Variants in PAX9 observed in about 807,000 individuals in gnomAD.
PAX9 encodes paired box protein Pax-9.
Under a neutral mutation model 29.1 loss-of-function variants are expected in PAX9, and 6 were observed. The ratio of observed to expected loss-of-function variants is 0.21; its 90% CI spans 0.11 to 0.41. The LOEUF (loss-of-function observed/expected upper bound fraction) is 0.41, where lower values mean the gene tolerates loss of function less well. Ranked by LOEUF, PAX9 falls within the 10% of genes least tolerant of loss-of-function variation. The pLI is 1.00. For missense variants in PAX9, 443 were observed against 479.1 expected, an observed-to-expected ratio of 0.92 and a Z score of 0.70; for synonymous variants, 217 against 211.7, an observed-to-expected ratio of 1.03 and a Z score of -0.22.
intron 3 of PAX9, among the ~76,000 whole-genome samples, chr14:36,672,704 C>T (rs183027077): frequency 0.24 from 278 of 1,182 alleles, no homozygotes; most frequent in African/African-American, 0.38. Flanking sequence ...ACTCTCCAGA[C>T]CCCCAAGCTA....
intron 2 of PAX9, among the ~76,000 whole-genome samples, chr14:36,665,576 T>A (rs775824515): frequency 2.0e-5 from 3 of 152,226 alleles, no homozygotes; most frequent in Non-Finnish European, 2.9e-5. Context: ...CCAGGTATTA[T>A]AGTAATTACT....
chr14:36,661,925 C>T lies in PAX9; in HGVS notation c.-165C>T. 1.3e-6 allele frequency: 1 copy of T among 799,508 alleles called. No individual in the cohort carries two copies. Among genetic ancestry groups the T allele is most frequent in the South Asian group, 1.5e-5 (1 of 66,386 alleles). 49.5% of individuals were successfully genotyped at this position (799,508 alleles called of 1,614,324 possible). A position where few individuals can be genotyped will look rare whatever the true frequency, so the allele number is the denominator to read the frequency against. On this transcript the variant is annotated 5_prime_UTR_variant, in exon 1 of 4. Transcript: ENST00000361487. ...CAAGCCTCTTTCATCGGGGCACAGA[C>T]TTCCTTTTACTTCTTCCTTTTGCCC...
At position 36,678,592 on chromosome 14, in the gene PAX9, A is replaced by AAAC. The variant is rs1430743806; in HGVS notation, c.*2141_*2143dup. ...TACAGGGACTCTCCTGTCATCTGAA[A>AAAC]AACTGATGTAAGGTACAGAACTATT... On this transcript the variant is annotated 3_prime_UTR_variant, in exon 4 of 4. Transcript: ENST00000361487. The AAAC allele has an allele frequency of 1.3e-6, 2 of 1,510,134 alleles. No individual in the cohort carries two copies. Among genetic ancestry groups the AAAC allele is most frequent in the Non-Finnish European group, 1.8e-6 (2 of 1,134,446 alleles). 93.5% of individuals were successfully genotyped at this position (1,510,134 alleles called of 1,614,324 possible).
chr14:36,658,198 GC>G, upstream of PAX9, among the ~76,000 whole-genome samples: 1 of 152,276 alleles, frequency 6.6e-6, no homozygotes, highest in Non-Finnish European at 1.5e-5. Context: ...TCTGCACCGC[GC>G]GCAATGCCCC....
intron 3 of PAX9, 130 bp downstream of exon 3, chr14:36,666,731 G>C (rs1476419791): frequency 1.6e-6 from 2 of 1,227,956 alleles, no homozygotes; most frequent in South Asian, 1.3e-5. Context: ...TTGCTGCTAC[G>C]AGCCAGATCC....
At position 36,678,498 on chromosome 14, in the gene PAX9, A is replaced by AGAC. The variant is rs941376648; in HGVS notation, c.*2047_*2049dup. On this transcript the variant is annotated 3_prime_UTR_variant, in exon 4 of 4. Transcript: ENST00000361487. The stretch of plus-strand genomic sequence containing the variant: ...GGAGTTCCCAGTCTGGTGAGAAAAT[A>AGAC]GACTATAAACTGAATGGAACAAAGA... 7 of 1,536,968 alleles carry AGAC rather than the reference A, an allele frequency of 4.6e-6. No homozygotes were observed. In the African/African-American group the frequency reaches 8.2e-5, roughly 18 times the overall value.
At chr14:36,666,662 C>G in intron 3 of PAX9, 61 bp downstream of exon 3, 2 of 1,542,634 alleles carry the variant, frequency 1.3e-6, no homozygotes, top group East Asian at 4.9e-5. Context: ...GGCGATGGAA[C>G]ACTTTGTGAT....
intron 3 of PAX9, among the ~76,000 whole-genome samples, chr14:36,667,739 T>C (rs1422730273): frequency 1.3e-5 from 2 of 152,198 alleles, no homozygotes; most frequent in African/African-American, 4.8e-5. Flanking sequence ...GGCTCTCCAA[T>C]GGCAAATAAC....
Position 36,678,671 on chromosome 14 carries a change from CT to C in PAX9, c.*2221del. 8.0e-7 allele frequency: 1 copy of C among 1,254,986 alleles called. No individual in the cohort carries two copies. The highest frequency in any genetic ancestry group is 1.0e-6 in the Non-Finnish European group (1 of 999,748). The allele number at this position is 1,254,986 out of a possible 1,614,324, so 77.7% of individuals were successfully genotyped here. A position where few individuals can be genotyped will look rare whatever the true frequency, so the allele number is the denominator to read the frequency against. On this transcript the variant is annotated 3_prime_UTR_variant, in exon 4 of 4. Transcript: ENST00000361487. Reference sequence around the variant, plus strand: ...AGGGGGCTTTAAAAAATATTACTTGCTTGTGTGGAAATGCAAATAATGTTAT... The same window carrying C: ...AGGGGGCTTTAAAAAATATTACTTGCTGTGTGGAAATGCAAATAATGTTAT...
At position 36,666,594 on chromosome 14, in the gene PAX9, A is replaced by T. The variant is rs1214299184; in HGVS notation, c.764A>T (p.Tyr255Phe). 6.4e-7 allele frequency: 1 copy of T among 1,567,170 alleles called. No individual in the cohort carries two copies. Among genetic ancestry groups the T allele is most frequent in the Admixed American group, 1.9e-5 (1 of 52,624 alleles). Residue 255 changes from tyrosine to phenylalanine, a missense_variant, in exon 3 of 4, where the codon TAC (tyrosine) becomes TTC (phenylalanine). Tyr to Phe is a conservative substitution (Grantham distance 22, BLOSUM62 3). This residue lies in a region of PAX9 where 336 missense variants were observed against 317.2 expected (regional missense o/e 1.06). Transcript: ENST00000361487. The stretch of plus-strand genomic sequence containing the variant: ...GGAGCCCTGGAGCAGGAAGCCAAGT[A>T]CGGTCAGGTGAGGAGGCGAGGGTCA... ...EKGALEQEAK[Y>F]GQAPNGLPAV...
chr14:36,666,655 GA>G, intron 3 of PAX9, 54 bp downstream of exon 3: 1 of 1,548,088 alleles, frequency 6.5e-7, no homozygotes, highest in Non-Finnish European at 8.7e-7. Context: ...GGATTTAGGC[GA>G]TGGAACACTT....
rs771366081 is a variant in PAX9 at position 36,676,385 on chromosome 14, C to T, written c.959C>T (p.Ser320Leu). The change falls in exon 4 of 4, where the codon TCG (serine) becomes TTG (leucine). Residue 320 changes from serine (S) to leucine (L), a missense_variant. Around this residue, in one of 2 missense-constraint regions of PAX9, gnomAD observed 336 missense variants for 317.2 expected, o/e 1.06. Transcript: ENST00000361487. ...LSPHNCDIPA[S>L]LAFKGMQAAR... The stretch of plus-strand genomic sequence containing the variant: ...CCCCACAACTGTGACATTCCGGCAT[C>T]GCTGGCGTTCAAGGGAATGCAGGCA... 11 of 1,614,132 alleles carry T rather than the reference C, an allele frequency of 6.8e-6. No homozygotes were observed. Among genetic ancestry groups the T allele is most frequent in the South Asian group, 3.3e-5 (3 of 91,080 alleles).
At chr14:36,665,195 C>CAGAGTT (rs1327954059) in intron 2 of PAX9, among the ~76,000 whole-genome samples, 2 of 139,486 alleles carry the variant, frequency 1.4e-5, no homozygotes, top group Non-Finnish European at 3.1e-5. Context: ...AAAAGGCTGA[C>CAGAGTT]AGAGTTTAAA....
At chr14:36,671,019 C>T in intron 3 of PAX9, 2 of 422,108 alleles carry the variant, frequency 4.7e-6, no homozygotes, top group Non-Finnish European at 4.7e-6. Flanking sequence ...ATGAGTTCAC[C>T]AAAAAAGAGA....
rs757397387 is a variant in PAX9, at chr14:36,662,105, C to T, written c.4+12C>T. 6 of 1,054,078 alleles carry T rather than the reference C, an allele frequency of 5.7e-6. No homozygotes were observed. The highest frequency in any genetic ancestry group is 1.1e-4 in the East Asian group (1 of 8,812). The allele number at this position is 1,054,078 out of a possible 1,614,324, so 65.3% of individuals were successfully genotyped here. ...GCTCGGAGCAATGGGTGAGTGGCGG[C>T]GGGGGACTCTGTCAGAGCCGGGAAG... is the stretch of plus-strand genomic sequence containing the variant. On this transcript the variant is annotated intron_variant, in intron 1 of 3. Transcript: ENST00000361487.
upstream of PAX9, among the ~76,000 whole-genome samples, chr14:36,660,725 C>G (rs2073245): frequency 0.39 from 59,526 of 152,098 alleles, 11,918 homozygotes; most frequent in African/African-American, 0.46. Context: ...GCAGTACAAA[C>G]TCCCAAATTC....
chr14:36,665,190 G>T (rs957817435), intron 2 of PAX9, among the ~76,000 whole-genome samples: 7 of 140,536 alleles, frequency 5.0e-5, no homozygotes, highest in Non-Finnish European at 9.2e-5. Flanking sequence ...AAAAAAAAAG[G>T]CTGACAGAGT....
At chr14:36,664,568 G>GGTTTTTTTTTTTTT (rs1161471989) in intron 2 of PAX9, among the ~76,000 whole-genome samples, 1 of 141,990 alleles carries the variant, frequency 7.0e-6, no homozygotes, top group Non-Finnish European at 1.5e-5. Context: ...CTTTTACTGA[G>GGTTTTTTTTTTTTT]TTTTTTTTTT....
chr14:36,663,390 C>T lies in PAX9; in HGVS notation c.498C>T (p.Ile166=), dbSNP rs775681794. Residue 166 remains isoleucine (I), a synonymous_variant, in exon 2 of 4, where the codon ATC becomes ATT. Transcript: ENST00000361487. ...YNHIYSYPSP[I]TAAAAKVPTP... ...ACATCTACTCGTACCCCAGCCCTAT[C>T]ACGGCGGCGGCCGCCAAGGTGCCCA... is the stretch of plus-strand genomic sequence containing the variant. 1 of 1,613,534 alleles carries T rather than the reference C, an allele frequency of 6.2e-7. No individual in the cohort carries two copies. The highest frequency in any genetic ancestry group is 1.1e-5 in the South Asian group (1 of 91,082).
Sources: allele counts gnomAD v4.1 joint callset (sites outside exome capture counted in the v4.1 genomes callset), GRCh38; gene constraint gnomAD v4.1.1; regional missense constraint gnomAD v4.1.1; transcripts MANE v1.5; gene names NCBI Gene and HGNC (gene_info 2026-07-23, HGNC 2026-07-21).